INSR: variants seen among roughly 807,000 people sequenced by gnomAD.
INSR encodes IR.
In INSR, 67 loss-of-function variants were observed where a neutral mutation model predicts 142.6. The observed-to-expected ratio is 0.47, with a 90% CI of 0.39 to 0.58. INSR has a LOEUF of 0.58. INSR is among the 20% of genes least tolerant of loss of function. The probability of loss-of-function intolerance (pLI) is 0.00; values close to 1 mark genes in which losing one functional copy is unlikely to be tolerated. For missense variants in INSR, 1,248 were observed against 1,833.2 expected (o/e 0.68, Z 5.83); for synonymous variants, 756 against 743.1 (o/e 1.02, Z -0.28).
chr19:7,292,974 T>C (rs1968536929), intron 1 of INSR, among the ~76,000 whole-genome samples: 2 of 152,240 alleles, frequency 1.3e-5, no homozygotes, highest in Admixed American at 1.3e-4. Flanking sequence ...GCTCAAGTCC[T>C]GGCTCTGGCA....
In INSR at chr19:7,125,948, G is replaced by A. The variant is rs1568430636; in HGVS notation, c.3014-421C>T. Among the ~76,000 whole-genome samples, 1 of 152,158 alleles carries A rather than the reference G, an allele frequency of 6.6e-6. No homozygotes were observed. The highest frequency in any genetic ancestry group is 1.5e-5 in the Non-Finnish European group (1 of 68,016). On this transcript the variant is annotated intron_variant, in intron 16 of 21. Transcript: ENST00000302850. This position sits in a 1 kb window ranked among gnomAD's most constrained non-coding sequence, Gnocchi z 4.9. ...CTTGGAGCTCTTCCCATGAAAAGGT[G>A]GAGTCTATCTCACCACCCCTTGGCC...
intron 1 of INSR, among the ~76,000 whole-genome samples, chr19:7,273,514 C>CTT (rs899836609): frequency 7.0e-6 from 1 of 142,892 alleles, no homozygotes; most frequent in African/African-American, 2.6e-5. Context: ...TTTCTTTTTT[C>CTT]TTTTTTTTTT....
intron 2 of INSR, among the ~76,000 whole-genome samples, chr19:7,217,841 A>G (rs3859490): frequency 0.82 from 125,619 of 152,288 alleles, 51,986 homozygotes; most frequent in Non-Finnish European, 0.85. Context: ...TTACAGGCGT[A>G]AGCCACCGCA....
intron 2 of INSR, among the ~76,000 whole-genome samples, chr19:7,221,068 C>T (rs573994256): frequency 5.9e-5 from 9 of 152,262 alleles, no homozygotes; most frequent in Admixed American, 5.9e-4. Context: ...TGCAGAGTCC[C>T]CACCGGCAAG....
rs78151394 is a variant in INSR at position 7,158,012 on chromosome 19, A to G, written c.2029+5020T>C. Among the ~76,000 whole-genome samples the G allele has an allele frequency of 0.013, 2,025 of 151,158 alleles. 148 individuals carry two copies. The East Asian group carries it at 0.23, about 17-fold the overall frequency. Reference sequence around the variant, plus strand: ...TTACAGCATTACAGATGGAAAAAAAAATGTAGAACTGCCTGAATAAGGGAA... The same window carrying G: ...TTACAGCATTACAGATGGAAAAAAAGATGTAGAACTGCCTGAATAAGGGAA... On this transcript the variant is annotated intron_variant, in intron 9 of 21. Coordinates refer to ENST00000302850, the MANE Select transcript of INSR (RefSeq NM_000208.4).
intron 9 of INSR, among the ~76,000 whole-genome samples, chr19:7,153,311 TC>T (rs1568449835): frequency 1.5e-3 from 10 of 6,568 alleles, no homozygotes; most frequent in South Asian, 3.7e-3. Context: ...ACCACACAAA[TC>T]ACACACACAC....
intron 3 of INSR, 52 bp from the exon 4 acceptor site, chr19:7,174,783 G>T (rs377102641): frequency 2.6e-6 from 4 of 1,563,018 alleles, no homozygotes; most frequent in Non-Finnish European, 2.6e-6. Context: ...GGGGTGTCAC[G>T]GTATCCAAGG....
At chr19:7,270,339 T>TCTCTCACA (rs1414011806) in intron 1 of INSR, among the ~76,000 whole-genome samples, 1,781 of 120,194 alleles carry the variant, frequency 0.015, 22 homozygotes, top group Non-Finnish European at 0.024. Flanking sequence ...TCTCTCTCTC[T>TCTCTCACA]CACACACACA....
At chr19:7,163,279 C>G in intron 8 of INSR, 80 bp from the exon 9 acceptor site, 2 of 1,395,354 alleles carry the variant, frequency 1.4e-6, no homozygotes, top group Non-Finnish European at 2.0e-6. Flanking sequence ...GGGGGACACA[C>G]AAGTTAAAGA....
chr19:7,245,313 G>A (rs1976507807), intron 2 of INSR, among the ~76,000 whole-genome samples: 1 of 152,118 alleles, frequency 6.6e-6, no homozygotes, highest in Non-Finnish European at 1.5e-5. Flanking sequence ...TCTAAAAGGT[G>A]TAATAGGGAA....
chr19:7,252,707 T>A (rs184700548), intron 2 of INSR, among the ~76,000 whole-genome samples: 1 of 152,248 alleles, frequency 6.6e-6, no homozygotes, highest in Non-Finnish European at 1.5e-5. Context: ...CACTCGGTAA[T>A]AAAGCCTATT....
rs1016631941 is a variant in INSR, at chr19:7,216,286, T to G, written c.653-31649A>C. Among the ~76,000 whole-genome samples, 5 of 152,204 alleles carry G rather than the reference T, an allele frequency of 3.3e-5. No homozygotes were observed. The highest frequency in any genetic ancestry group is 1.2e-4 in the African/African-American group (5 of 41,460). Reference sequence around the variant, plus strand: ...TTGCAGTGAGCTGAGATCGTGCCATTGCACTCCAGCCTGGGCAAGAGAGCA... The same window carrying G: ...TTGCAGTGAGCTGAGATCGTGCCATGGCACTCCAGCCTGGGCAAGAGAGCA... On this transcript the variant is annotated intron_variant, in intron 2 of 21. Transcript: ENST00000302850. This position sits in a 1 kb window ranked among gnomAD's most constrained non-coding sequence, Gnocchi z 4.2.
intron 2 of INSR, among the ~76,000 whole-genome samples, chr19:7,266,432 G>A (rs1299792343): frequency 6.7e-6 from 1 of 149,706 alleles, no homozygotes; most frequent in Non-Finnish European, 1.5e-5. Flanking sequence ...GTTGCCCAGG[G>A]TGGAGTGCAA....
At chr19:7,272,087 G>A (rs930650000) in intron 1 of INSR, among the ~76,000 whole-genome samples, 3 of 151,918 alleles carry the variant, frequency 2.0e-5, no homozygotes, top group African/African-American at 4.8e-5. Flanking sequence ...GGCGGATCAC[G>A]AGGTCAGGAG....
intron 13 of INSR, among the ~76,000 whole-genome samples, chr19:7,139,973 G>A (rs1463914151): frequency 1.3e-5 from 2 of 151,950 alleles, no homozygotes; most frequent in African/African-American, 2.4e-5. Context: ...GATTATAGGC[G>A]CCCACCATTA....
intron 1 of INSR, among the ~76,000 whole-genome samples, chr19:7,291,489 G>A (rs1353165777): frequency 6.6e-6 from 1 of 152,202 alleles, no homozygotes; most frequent in Non-Finnish European, 1.5e-5. Flanking sequence ...AGATGATAAA[G>A]GAGCCCAGTA....
chr19:7,153,114 A>C (rs1973444121), intron 9 of INSR, among the ~76,000 whole-genome samples, 187 bp from the exon 10 acceptor site: 3 of 102,524 alleles, frequency 2.9e-5, no homozygotes, highest in East Asian at 3.9e-4. Flanking sequence ...ACAAACACAC[A>C]ACCACACACA....
chr19:7,172,205 C>A, intron 5 of INSR, 85 bp downstream of exon 5: 2 of 1,513,100 alleles, frequency 1.3e-6, no homozygotes, highest in Non-Finnish European at 9.1e-7. Context: ...AGCCACCACA[C>A]CTGGCCAAAA....
At chr19:7,124,079 A>C (rs1228914410) in intron 17 of INSR, among the ~76,000 whole-genome samples, 1 of 151,018 alleles carries the variant, frequency 6.6e-6, no homozygotes, top group African/African-American at 2.4e-5. Flanking sequence ...AAAATTAGCC[A>C]GGCACTGGGC....
Sources: allele counts gnomAD v4.1 joint callset (sites outside exome capture counted in the v4.1 genomes callset), GRCh38; gene constraint gnomAD v4.1.1; non-coding constraint Gnocchi (gnomAD v3.1); transcripts MANE v1.5; gene names NCBI Gene and HGNC (gene_info 2026-07-23, HGNC 2026-07-21).